Variants in TENM2 observed in about 807,000 individuals in gnomAD.
TENM2 encodes teneurin-2.
Under a neutral mutation model 245.2 loss-of-function variants are expected in TENM2, and 52 were observed. That is an observed-to-expected ratio of 0.21 (90% CI 0.17 to 0.27). TENM2 has a LOEUF of 0.27. Among genes scored for constraint, TENM2 ranks in the 10% least tolerant of loss-of-function variants. The pLI, the probability that TENM2 is intolerant of heterozygous loss-of-function variation, is 1.00. For synonymous variants in TENM2, 1,363 were observed against 1,438.9 expected (o/e 0.95, Z 1.19); for missense variants, 3,046 against 3,666.8 (o/e 0.83, Z 4.37).
chr5:167,523,535 C>T (rs996163614), intron 2 of TENM2, among the ~76,000 whole-genome samples: 6 of 151,942 alleles, frequency 3.9e-5, no homozygotes, highest in African/African-American at 1.2e-4. Context: ...TTTGTGTCTA[C>T]GTGTTTATGT....
At chr5:167,798,315 C>T (rs1229249986) in intron 2 of TENM2, among the ~76,000 whole-genome samples, 1 of 152,194 alleles carries the variant, frequency 6.6e-6, no homozygotes, top group East Asian at 1.9e-4. Flanking sequence ...TGGGTCACTG[C>T]TTTGGAAAAG....
At chr5:167,181,546 C>A in the TENM2 span, among the ~76,000 whole-genome samples, 1 of 147,050 alleles carries the variant, frequency 6.8e-6, no homozygotes, top group Non-Finnish European at 1.5e-5. Context: ...TAGGTCAACA[C>A]ATATAACAGA....
chr5:167,824,604 G>A (rs1327625121), intron 2 of TENM2, among the ~76,000 whole-genome samples: 1 of 152,180 alleles, frequency 6.6e-6, no homozygotes, highest in African/African-American at 2.4e-5. Context: ...GGCACCCAAG[G>A]CATGAGGAAG....
At chr5:167,302,891 G>A (rs1323987942) in intron 1 of TENM2, among the ~76,000 whole-genome samples, 1 of 152,156 alleles carries the variant, frequency 6.6e-6, no homozygotes, top group East Asian at 1.9e-4. Flanking sequence ...TAATCAGAGA[G>A]GTGTCCCTGC....
chr5:167,087,677 T>A, the TENM2 span, among the ~76,000 whole-genome samples: 771 of 152,256 alleles, frequency 5.1e-3, 7 homozygotes, highest in African/African-American at 0.017. Flanking sequence ...AATGCAGTAA[T>A]ATAAAGTAGT....
chr5:168,233,957 G>C (rs777415898), intron 25 of TENM2, among the ~76,000 whole-genome samples: 2 of 151,972 alleles, frequency 1.3e-5, no homozygotes, highest in Non-Finnish European at 2.9e-5. Flanking sequence ...CCTCCCCCTG[G>C]GTCCCTCCCA....
intron 2 of TENM2, among the ~76,000 whole-genome samples, chr5:167,527,714 G>A (rs1771216917): frequency 1.3e-5 from 2 of 152,102 alleles, no homozygotes; most frequent in African/African-American, 4.8e-5. Context: ...CCAGAATTCT[G>A]TGAGGGTAGA....
chr5:167,733,969 T>C (rs966091733), intron 2 of TENM2, among the ~76,000 whole-genome samples: 2 of 152,202 alleles, frequency 1.3e-5, no homozygotes, highest in African/African-American at 4.8e-5. Context: ...TCACGTCTCA[T>C]ACGTACTAAG....
intron 12 of TENM2, among the ~76,000 whole-genome samples, chr5:168,148,820 C>A (rs1340951053): frequency 6.6e-6 from 1 of 151,630 alleles, no homozygotes; most frequent in African/African-American, 2.4e-5. Flanking sequence ...AGGATTTAGA[C>A]AGATTTTTGG....
chr5:168,230,240 T>A (rs1764729054), intron 25 of TENM2, among the ~76,000 whole-genome samples: 1 of 152,222 alleles, frequency 6.6e-6, no homozygotes, highest in Non-Finnish European at 1.5e-5. Flanking sequence ...TTGTCTGGTG[T>A]TAGTTCCTGT....
chr5:167,066,918 T>C, the TENM2 span, among the ~76,000 whole-genome samples: 1 of 152,152 alleles, frequency 6.6e-6, no homozygotes, highest in Admixed American at 6.6e-5. Flanking sequence ...TAGTACTCAT[T>C]TGATTGCACT....
At chr5:167,578,242 A>C (rs58218227) in intron 2 of TENM2, among the ~76,000 whole-genome samples, 3,046 of 152,276 alleles carry the variant, frequency 0.02, 104 homozygotes, top group African/African-American at 0.07. Context: ...TTCTTCCGTT[A>C]AATTGCAGCC....
At chr5:167,739,383 T>G (rs1761018752) in intron 2 of TENM2, among the ~76,000 whole-genome samples, 1 of 152,170 alleles carries the variant, frequency 6.6e-6, no homozygotes, top group African/African-American at 2.4e-5. Flanking sequence ...CTGCAGTAAT[T>G]CTCTTTCCTC....
the TENM2 span, among the ~76,000 whole-genome samples, chr5:167,027,151 T>C: frequency 1.3e-5 from 2 of 152,342 alleles, no homozygotes; most frequent in South Asian, 4.1e-4. Flanking sequence ...GATTTTATCC[T>C]TTGTAACCTA....
intron 2 of TENM2, among the ~76,000 whole-genome samples, chr5:167,420,529 A>G (rs1763443063): frequency 1.3e-5 from 2 of 152,154 alleles, no homozygotes; most frequent in African/African-American, 4.8e-5. Flanking sequence ...GTCTTTGAAT[A>G]AGCCAATCCC....
chr5:167,314,403 A>G (rs1010417859), intron 1 of TENM2, among the ~76,000 whole-genome samples: 1 of 152,196 alleles, frequency 6.6e-6, no homozygotes, highest in Non-Finnish European at 1.5e-5. Flanking sequence ...ATGAAGAGTT[A>G]TTATTTTATA....
At chr5:168,242,228 C>G (rs6887837) in intron 25 of TENM2, among the ~76,000 whole-genome samples, 1 of 152,096 alleles carries the variant, frequency 6.6e-6, no homozygotes, top group African/African-American at 2.4e-5. Flanking sequence ...AAGGAAGCTG[C>G]GAAATGTGTT....
chr5:167,927,569 G>A (rs1658823414), intron 3 of TENM2, among the ~76,000 whole-genome samples: 1 of 152,166 alleles, frequency 6.6e-6, no homozygotes, highest in African/African-American at 2.4e-5. Flanking sequence ...AGGCTTCCTT[G>A]TGTGTGCTGC....
At chr5:168,076,418 G>T (rs1413479723) in intron 7 of TENM2, among the ~76,000 whole-genome samples, 1 of 151,880 alleles carries the variant, frequency 6.6e-6, no homozygotes, top group Non-Finnish European at 1.5e-5. Flanking sequence ...CAGAGACGGG[G>T]TTTCACAATG....
Sources: allele counts gnomAD v4.1 joint callset (sites outside exome capture counted in the v4.1 genomes callset), GRCh38; gene constraint gnomAD v4.1.1; transcripts MANE v1.5; gene names NCBI Gene and HGNC (gene_info 2026-07-23, HGNC 2026-07-21).